NET1: variants seen among roughly 807,000 people sequenced by gnomAD.
NET1 encodes neuroepithelial cell transforming 1.
NET1 carries 42 observed loss-of-function variants against 61.1 expected under a neutral mutation model. That is an observed-to-expected ratio of 0.69 (90% CI 0.54 to 0.89). The LOEUF (loss-of-function observed/expected upper bound fraction) is 0.89. Among genes scored for constraint, NET1 ranks in the 40% least tolerant of loss-of-function variants. NET1 has a pLI of 0.00. For missense variants in NET1, 654 were observed against 747.3 expected (o/e 0.88, Z 1.46); for synonymous variants, 254 against 281.8 (o/e 0.90, Z 0.99).
Position 5,420,794 on chromosome 10 carries a change from C to T in NET1, c.129-5861C>T, listed in dbSNP as rs1028588792. ...TATTTTTAGTAGAGACGGGGTTTCA[C>T]CATGTTGGCCAGGATGGTTTTGATC... On this transcript the variant is annotated intron_variant, in intron 1 of 11. Transcript: ENST00000355029. This position sits in a 1 kb window ranked among gnomAD's most constrained non-coding sequence, Gnocchi z 5.3. Among the ~76,000 whole-genome samples, 1 of 151,976 alleles carries T rather than the reference C, an allele frequency of 6.6e-6. No individual in the cohort carries two copies. Among genetic ancestry groups the T allele is most frequent in the African/African-American group, 2.4e-5 (1 of 41,364 alleles).
rs536262694 is a variant in NET1, at chr10:5,449,567, C to T, written c.256-2263C>T. Among the ~76,000 whole-genome samples, 2 of 152,284 alleles carry T rather than the reference C, an allele frequency of 1.3e-5. No individual in the cohort carries two copies. The highest frequency in any genetic ancestry group is 4.1e-4 in the South Asian group (2 of 4,820). Reference sequence around the variant, plus strand: ...CCTAAAGAGACCACATCAACAAAACCCGTGTTCGTTTCAGAAGTATGCTTT... The same window carrying T: ...CCTAAAGAGACCACATCAACAAAACTCGTGTTCGTTTCAGAAGTATGCTTT... On this transcript the variant is annotated intron_variant, in intron 3 of 11. Coordinates refer to ENST00000355029, the MANE Select transcript of NET1 (RefSeq NM_001047160.3). This position sits in a 1 kb window ranked among gnomAD's most constrained non-coding sequence, Gnocchi z 4.4.
rs1342788339 is a variant in NET1, at chr10:5,446,799, C to A, written c.256-5031C>A. On this transcript the variant is annotated intron_variant, in intron 3 of 11. Coordinates refer to ENST00000355029, the MANE Select transcript of NET1 (RefSeq NM_001047160.3). The surrounding 1 kb of genome is among the most constrained non-coding windows in gnomAD (Gnocchi z 5.0). Reference sequence around the variant, plus strand: ...ACATGATGAGACTGGAGGTCTCCTACCTATTAAAAGGACCATACGAGTCCT... The same window carrying A: ...ACATGATGAGACTGGAGGTCTCCTAACTATTAAAAGGACCATACGAGTCCT... 3.1e-6 allele frequency: 5 copies of A among 1,610,750 alleles called. No individual in the cohort carries two copies. The African/African-American group carries it at 6.7e-5, about 22-fold the overall frequency.
chr10:5,456,144 A>C lies in NET1; in HGVS notation c.1255A>C (p.Asn419His). The C allele has an allele frequency of 6.2e-7, 1 of 1,614,210 alleles. No homozygotes were observed. Among genetic ancestry groups the C allele is most frequent in the Non-Finnish European group, 8.5e-7 (1 of 1,180,032 alleles). The change falls in exon 11 of 12, where the codon AAC becomes CAC. Residue 419 changes from asparagine to histidine, a missense_variant. By Grantham distance (68) the Asn-to-His change is moderately conservative. Coordinates refer to ENST00000355029, the MANE Select transcript of NET1 (RefSeq NM_001047160.3). This position sits in a 1 kb window ranked among gnomAD's most constrained non-coding sequence, Gnocchi z 7.0. ...GGTTCTGACTCGGCCCGTCACACGG[A>C]ACGAACGGCACTCTTACCAGGTTTA... ...ILVLTRPVTR[N>H]ERHSYQVYRQ...
Position 5,446,060 on chromosome 10 carries a change from A to T in NET1, c.256-5770A>T, listed in dbSNP as rs540880336. On this transcript the variant is annotated intron_variant, in intron 3 of 11. Coordinates refer to ENST00000355029, the MANE Select transcript of NET1 (RefSeq NM_001047160.3). This position sits in a 1 kb window ranked among gnomAD's most constrained non-coding sequence, Gnocchi z 5.0. ...AGTAGCCCAGTTTACCCGTAACCTC[A>T]TGGGAGATTTTCTTCTGGAAGAGAG... Among the ~76,000 whole-genome samples the T allele has an allele frequency of 2.0e-5, 3 of 152,176 alleles. No individual in the cohort carries two copies. Among genetic ancestry groups the T allele is most frequent in the African/African-American group, 7.2e-5 (3 of 41,442 alleles).
chr10:5,424,120 T>A lies in NET1; in HGVS notation c.129-2535T>A, dbSNP rs1832222165. The stretch of plus-strand genomic sequence containing the variant: ...GGTCATTTCTAGGGAATAAAGAAAT[T>A]AGTAGCTTTGGTTTTGTAATGCTCC... On this transcript the variant is annotated intron_variant, in intron 1 of 11. Transcript: ENST00000355029. This position sits in a 1 kb window ranked among gnomAD's most constrained non-coding sequence, Gnocchi z 6.1. 6.6e-6 allele frequency among the ~76,000 whole-genome samples: 1 copy of A among 152,206 alleles called. No individual in the cohort carries two copies. Among genetic ancestry groups the A allele is most frequent in the African/African-American group, 2.4e-5 (1 of 41,446 alleles).
In NET1 at chr10:5,422,564, C is replaced by T. The variant is rs545448313; in HGVS notation, c.129-4091C>T. Among the ~76,000 whole-genome samples, 5 of 152,302 alleles carry T rather than the reference C, an allele frequency of 3.3e-5. No individual in the cohort carries two copies. The highest frequency in any genetic ancestry group is 3.9e-4 in the East Asian group (2 of 5,186). On this transcript the variant is annotated intron_variant, in intron 1 of 11. Transcript: ENST00000355029. The surrounding 1 kb of genome is among the most constrained non-coding windows in gnomAD (Gnocchi z 4.1). ...CCCTGTTCCCTCTTCCCTGAATTTGCTGCTGTGGGCAAGGCCTGAGAATTA... is the reference window on the plus strand; with the variant it reads ...CCCTGTTCCCTCTTCCCTGAATTTGTTGCTGTGGGCAAGGCCTGAGAATTA...
At position 5,453,546 on chromosome 10, in the gene NET1, A is replaced by C; in HGVS notation, c.754A>C (p.Ile252Leu). The change falls in exon 8 of 12, where the codon ATT (isoleucine) becomes CTT (leucine). Residue 252 changes from isoleucine to leucine, a missense_variant. Coordinates refer to ENST00000355029, the MANE Select transcript of NET1 (RefSeq NM_001047160.3). This position sits in a 1 kb window ranked among gnomAD's most constrained non-coding sequence, Gnocchi z 4.9. ...PDGTVEQIGH[I>L]LVSWLPRLNA... ...TGGAACAGTGGAGCAGATTGGTCAC[A>C]TTCTCGTGAGCTGGGTATGTAGTGA... The C allele has an allele frequency of 1.2e-6, 2 of 1,614,138 alleles. No individual in the cohort carries two copies. Among genetic ancestry groups the C allele is most frequent in the Non-Finnish European group, 1.7e-6 (2 of 1,179,974 alleles).
At position 5,431,637 on chromosome 10, in the gene NET1, C is replaced by T. The variant is rs576161889; in HGVS notation, c.255+2408C>T. Among the ~76,000 whole-genome samples, 1 of 151,922 alleles carries T rather than the reference C, an allele frequency of 6.6e-6. No individual in the cohort carries two copies. The highest frequency in any genetic ancestry group is 1.5e-5 in the Non-Finnish European group (1 of 67,968). On this transcript the variant is annotated intron_variant, in intron 3 of 11. Coordinates refer to ENST00000355029, the MANE Select transcript of NET1 (RefSeq NM_001047160.3). The surrounding 1 kb of genome is among the most constrained non-coding windows in gnomAD (Gnocchi z 4.9). The stretch of plus-strand genomic sequence containing the variant: ...AGCAGAACAAGTGCTTGATTCTTTT[C>T]CTTTGTCAGTTTTCAACAATAACGA...
At position 5,440,841 on chromosome 10, in the gene NET1, A is replaced by T. The variant is rs192217418; in HGVS notation, c.256-10989A>T. 6.6e-6 allele frequency among the ~76,000 whole-genome samples: 1 copy of T among 152,228 alleles called. No individual in the cohort carries two copies. Among genetic ancestry groups the T allele is most frequent in the East Asian group, 1.9e-4 (1 of 5,176 alleles). On this transcript the variant is annotated intron_variant, in intron 3 of 11. Coordinates refer to ENST00000355029, the MANE Select transcript of NET1 (RefSeq NM_001047160.3). The surrounding 1 kb of genome is among the most constrained non-coding windows in gnomAD (Gnocchi z 4.1). Reference sequence around the variant, plus strand: ...ACTACTCTGTGTCTCATCCCTATTCATACCTGTAGTCCTTATCACCATTTT... The same window carrying T: ...ACTACTCTGTGTCTCATCCCTATTCTTACCTGTAGTCCTTATCACCATTTT...
intron 3 of NET1, among the ~76,000 whole-genome samples, chr10:5,434,932 G>A (rs541081519): frequency 6.6e-6 from 1 of 152,168 alleles, no homozygotes; most frequent in African/African-American, 2.4e-5. Flanking sequence ...AAATTTATTT[G>A]CATTGCTGTG....
chr10:5,428,499 C>CA (rs11459465), intron 2 of NET1, among the ~76,000 whole-genome samples: 2,096 of 147,718 alleles, frequency 0.014, 64 homozygotes, highest in African/African-American at 0.049. Context: ...TGTTCCTTTT[C>CA]AAAAAAAAAA....
At position 5,457,126 on chromosome 10, in the gene NET1, C is replaced by CT. The variant is rs538661178; in HGVS notation, c.*138dup. The CT allele has an allele frequency of 1.6e-4, 129 of 831,932 alleles. No individual in the cohort carries two copies. In the African/African-American group the frequency reaches 2.0e-3, roughly 13 times the overall value. 51.5% of individuals were successfully genotyped at this position (831,932 alleles called of 1,614,324 possible). ...AACATTTTCATTGTTTTTGGTTGTT[C>CT]TTTTTTCTTTTTTTAATGGCAGCTA... On this transcript the variant is annotated 3_prime_UTR_variant, in exon 12 of 12. Coordinates refer to ENST00000355029, the MANE Select transcript of NET1 (RefSeq NM_001047160.3). The surrounding 1 kb of genome is among the most constrained non-coding windows in gnomAD (Gnocchi z 5.4).
chr10:5,425,542 C>T (rs1832246601), intron 1 of NET1, among the ~76,000 whole-genome samples: 2 of 152,194 alleles, frequency 1.3e-5, no homozygotes, highest in East Asian at 1.9e-4. Flanking sequence ...GTCACACTTC[C>T]AATTCATAAC....
Position 5,446,579 on chromosome 10 carries a change from TG to T in NET1, c.256-5247del. On this transcript the variant is annotated intron_variant, in intron 3 of 11. Coordinates refer to ENST00000355029, the MANE Select transcript of NET1 (RefSeq NM_001047160.3). This position sits in a 1 kb window ranked among gnomAD's most constrained non-coding sequence, Gnocchi z 5.0. ...TGGCTGTGGCCCCGCCCCCGAGCCC[TG>T]GGGTCGGTGCTTGCTGCCTGCGGCT... 5 of 1,181,996 alleles carry T rather than the reference TG, an allele frequency of 4.2e-6. No individual in the cohort carries two copies. Among genetic ancestry groups the T allele is most frequent in the Non-Finnish European group, 4.2e-6 (4 of 955,708 alleles). 73.2% of individuals were successfully genotyped at this position (1,181,996 alleles called of 1,614,324 possible). A position where few individuals can be genotyped will look rare whatever the true frequency, so the allele number is the denominator to read the frequency against.
chr10:5,423,629 C>G lies in NET1; in HGVS notation c.129-3026C>G, dbSNP rs142907222. On this transcript the variant is annotated intron_variant, in intron 1 of 11. Transcript: ENST00000355029. The surrounding 1 kb of genome is among the most constrained non-coding windows in gnomAD (Gnocchi z 4.4). ...TACATTGGATATATGGACAAAAATT[C>G]TTGAAAAGGTGGACTGCCACTTTTC... Among the ~76,000 whole-genome samples, 4 of 152,214 alleles carry G rather than the reference C, an allele frequency of 2.6e-5. No individual in the cohort carries two copies. In the East Asian group the frequency reaches 7.7e-4, roughly 29 times the overall value.
Position 5,441,969 on chromosome 10 carries a change from G to A in NET1, c.256-9861G>A, listed in dbSNP as rs1832530005. On this transcript the variant is annotated intron_variant, in intron 3 of 11. Coordinates refer to ENST00000355029, the MANE Select transcript of NET1 (RefSeq NM_001047160.3). The surrounding 1 kb of genome is among the most constrained non-coding windows in gnomAD (Gnocchi z 4.6). ...TATGCTTGTAATCTTGAATTCTAGA[G>A]TTTTAAAATGGAATGTAGTTTTCTT... is the stretch of plus-strand genomic sequence containing the variant. Among the ~76,000 whole-genome samples, 1 of 152,078 alleles carries A rather than the reference G, an allele frequency of 6.6e-6. No homozygotes were observed. The highest frequency in any genetic ancestry group is 1.5e-5 in the Non-Finnish European group (1 of 67,988).
At position 5,427,746 on chromosome 10, in the gene NET1, A is replaced by G. The variant is rs994766192; in HGVS notation, c.195+1025A>G. 1.3e-5 allele frequency among the ~76,000 whole-genome samples: 2 copies of G among 152,220 alleles called. No homozygotes were observed. Among genetic ancestry groups the G allele is most frequent in the African/African-American group, 4.8e-5 (2 of 41,460 alleles). ...TTAGCTCAATTCAAAACAGTGTGTT[A>G]TAATTTTGCTCTGCTGCTTTGAGCA... On this transcript the variant is annotated intron_variant, in intron 2 of 11. Coordinates refer to ENST00000355029, the MANE Select transcript of NET1 (RefSeq NM_001047160.3). The surrounding 1 kb of genome is among the most constrained non-coding windows in gnomAD (Gnocchi z 4.1).
rs1256074748 is a variant in NET1, at chr10:5,447,294, C to A, written c.256-4536C>A. Reference sequence around the variant, plus strand: ...TCTGACCTGGTGTGCATTTTTCTTCCATCTGATGAGTTCATTGTATGCCAC... The same window carrying A: ...TCTGACCTGGTGTGCATTTTTCTTCAATCTGATGAGTTCATTGTATGCCAC... On this transcript the variant is annotated intron_variant, in intron 3 of 11. Coordinates refer to ENST00000355029, the MANE Select transcript of NET1 (RefSeq NM_001047160.3). The surrounding 1 kb of genome is among the most constrained non-coding windows in gnomAD (Gnocchi z 4.1). Among the ~76,000 whole-genome samples, 2 of 152,150 alleles carry A rather than the reference C, an allele frequency of 1.3e-5. No individual in the cohort carries two copies. The highest frequency in any genetic ancestry group is 4.8e-5 in the African/African-American group (2 of 41,442).
In NET1 at chr10:5,456,378, A is replaced by G. The variant is rs1832797953; in HGVS notation, c.1384+105A>G. The G allele has an allele frequency of 1.2e-5, 14 of 1,192,284 alleles. No homozygotes were observed. Among genetic ancestry groups the G allele is most frequent in the Non-Finnish European group, 1.6e-5 (14 of 871,794 alleles). 73.9% of individuals were successfully genotyped at this position (1,192,284 alleles called of 1,614,324 possible). On this transcript the variant is annotated intron_variant, in intron 11 of 11. Transcript: ENST00000355029. The surrounding 1 kb of genome is among the most constrained non-coding windows in gnomAD (Gnocchi z 7.0). ...AGAGATGAAATGGCTCCATTGTCCTATACTTGTTACATCCATTGAGTTGTC... is the reference window on the plus strand; with the variant it reads ...AGAGATGAAATGGCTCCATTGTCCTGTACTTGTTACATCCATTGAGTTGTC...
Sources: allele counts gnomAD v4.1 joint callset (sites outside exome capture counted in the v4.1 genomes callset), GRCh38; gene constraint gnomAD v4.1.1; non-coding constraint Gnocchi (gnomAD v3.1); transcripts MANE v1.5; gene names NCBI Gene and HGNC (gene_info 2026-07-23, HGNC 2026-07-21).